Variants in KHDRBS2 observed in about 807,000 individuals in gnomAD.
The protein encoded by KHDRBS2 is KH RNA binding domain containing, signal transduction associated 2.
Under a neutral mutation model 44.3 loss-of-function variants are expected in KHDRBS2, and 26 were observed. The observed-to-expected ratio is 0.59, with a 90% CI of 0.43 to 0.81. The LOEUF is 0.81. Among genes scored for constraint, KHDRBS2 ranks in the 40% least tolerant of loss-of-function variants. The pLI is 0.00. For missense variants in KHDRBS2, 476 were observed against 433.1 expected (o/e 1.10, Z -0.88); for synonymous variants, 194 against 151.1 (o/e 1.28, Z -2.08).
intron 2 of KHDRBS2, among the ~76,000 whole-genome samples, chr6:62,153,794 T>C (rs1815753331): frequency 6.6e-6 from 1 of 152,170 alleles, no homozygotes; most frequent in Non-Finnish European, 1.5e-5. Context: ...GAAGCATGTA[T>C]ATAGTCTAAG....
At chr6:61,806,028 G>T (rs1787102634) in intron 6 of KHDRBS2, among the ~76,000 whole-genome samples, 1 of 152,156 alleles carries the variant, frequency 6.6e-6, no homozygotes. Flanking sequence ...AGAGTCTATG[G>T]TCTATTCACT....
intron 6 of KHDRBS2, among the ~76,000 whole-genome samples, chr6:61,814,916 A>T (rs1753358957): frequency 6.6e-6 from 1 of 152,144 alleles, no homozygotes; most frequent in African/African-American, 2.4e-5. Flanking sequence ...AGTTCCTTAT[A>T]TAAAATGGTA....
At chr6:61,661,343 T>A in the KHDRBS2 span, 2 of 151,920 alleles carry the variant, frequency 1.3e-5, no homozygotes, top group Admixed American at 6.6e-5. Flanking sequence ...CAGTTTTTCG[T>A]TTTTCTATCA....
intron 4 of KHDRBS2, among the ~76,000 whole-genome samples, chr6:61,954,771 TAC>T (rs1478015975): frequency 1.8e-5 from 2 of 111,384 alleles, no homozygotes; most frequent in African/African-American, 6.3e-5. Context: ...TATGTATACA[TAC>T]ATATGTGTAT....
At chr6:61,744,291 A>T (rs572585185) in intron 6 of KHDRBS2, among the ~76,000 whole-genome samples, 1 of 152,232 alleles carries the variant, frequency 6.6e-6, no homozygotes, top group East Asian at 1.9e-4. Flanking sequence ...GGGCAATGAA[A>T]GTGTGTCCAG....
chr6:61,942,391 A>G (rs1812307097), intron 4 of KHDRBS2, among the ~76,000 whole-genome samples: 1 of 152,200 alleles, frequency 6.6e-6, no homozygotes, highest in African/African-American at 2.4e-5. Context: ...TATCATAAAA[A>G]GAACAAAACA....
intron 4 of KHDRBS2, among the ~76,000 whole-genome samples, chr6:61,937,524 C>T (rs1284377294): frequency 6.6e-6 from 1 of 151,866 alleles, no homozygotes; most frequent in Non-Finnish European, 1.5e-5. Flanking sequence ...GTTTATTGAA[C>T]TTCTTGGGGG....
At chr6:61,547,787 T>A in the KHDRBS2 span, among the ~76,000 whole-genome samples, 4 of 152,256 alleles carry the variant, frequency 2.6e-5, no homozygotes, top group East Asian at 7.7e-4. Context: ...TTAGAGGGAC[T>A]TGTTTAAACT....
intron 2 of KHDRBS2, among the ~76,000 whole-genome samples, chr6:62,083,044 G>A (rs927416376): frequency 1.1e-4 from 17 of 152,124 alleles, no homozygotes; most frequent in African/African-American, 4.1e-4. Context: ...CCACCCTCAA[G>A]CCTGGACCTG....
chr6:61,931,930 C>T (rs1810130879), intron 4 of KHDRBS2, among the ~76,000 whole-genome samples: 1 of 152,116 alleles, frequency 6.6e-6, no homozygotes, highest in Non-Finnish European at 1.5e-5. Context: ...TTATAATGAT[C>T]CATTTCCACT....
At chr6:61,770,926 C>A (rs1231633564) in intron 6 of KHDRBS2, among the ~76,000 whole-genome samples, 1 of 152,154 alleles carries the variant, frequency 6.6e-6, no homozygotes, top group Non-Finnish European at 1.5e-5. Context: ...ATGTTAAGGG[C>A]AGCCAGAGAG....
At chr6:61,874,133 T>G (rs1056793169) in intron 6 of KHDRBS2, among the ~76,000 whole-genome samples, 1 of 152,156 alleles carries the variant, frequency 6.6e-6, no homozygotes, top group Non-Finnish European at 1.5e-5. Flanking sequence ...GATTATGTAA[T>G]TTTTTATATG....
At chr6:61,851,964 G>A (rs766831892) in intron 6 of KHDRBS2, among the ~76,000 whole-genome samples, 4 of 152,320 alleles carry the variant, frequency 2.6e-5, no homozygotes, top group South Asian at 4.1e-4. Context: ...GCTCATGGCT[G>A]TAATCCCAGC....
At chr6:62,103,382 G>A (rs576466696) in intron 2 of KHDRBS2, among the ~76,000 whole-genome samples, 1 of 152,344 alleles carries the variant, frequency 6.6e-6, no homozygotes, top group South Asian at 2.1e-4. Context: ...GGGCAGTGAG[G>A]GTATGACATG....
At chr6:62,141,317 A>G (rs1293202406) in intron 2 of KHDRBS2, among the ~76,000 whole-genome samples, 1 of 152,192 alleles carries the variant, frequency 6.6e-6, no homozygotes, top group Non-Finnish European at 1.5e-5. Flanking sequence ...AGAGTAAACA[A>G]TATGTAGAGA....
chr6:61,772,971 C>T (rs1356935092), intron 6 of KHDRBS2, among the ~76,000 whole-genome samples: 1 of 152,118 alleles, frequency 6.6e-6, no homozygotes, highest in Admixed American at 6.6e-5. Context: ...GACCTGAACT[C>T]ATCATTTTTT....
intron 6 of KHDRBS2, among the ~76,000 whole-genome samples, chr6:61,884,348 C>A (rs551666427): frequency 6.6e-6 from 1 of 152,050 alleles, no homozygotes; most frequent in African/African-American, 2.4e-5. Context: ...TTTCTCATGT[C>A]GTGCTGAACT....
rs1584352303 is a variant in KHDRBS2, at chr6:62,047,750, G to A, written c.336+128C>T. On this transcript the variant is annotated intron_variant, in intron 3 of 8. Transcript: ENST00000281156. ...AGAGGAGATAGCAGAAAGTGACACA[G>A]GGTGATCCCAGGAAATGGAAATCAT... The A allele has an allele frequency of 2.3e-5, 16 of 686,120 alleles. No homozygotes were observed. The East Asian group carries it at 4.0e-4, about 17-fold the overall frequency. 42.5% of individuals were successfully genotyped at this position (686,120 alleles called of 1,614,324 possible).
chr6:62,187,023 T>G (rs181049755), intron 1 of KHDRBS2, among the ~76,000 whole-genome samples: 1 of 152,178 alleles, frequency 6.6e-6, no homozygotes, highest in African/African-American at 2.4e-5. Context: ...CATAATCATA[T>G]TACATAAGAA....
Sources: gnomAD v4.1 joint callset for allele counts (sites outside exome capture counted in the v4.1 genomes callset) on GRCh38, gnomAD v4.1.1 for gene constraint, MANE v1.5 for transcripts, NCBI Gene and HGNC (gene_info 2026-07-23, HGNC 2026-07-21) for gene names.